The following ERAP1 variants were observed in gnomAD, a reference collection of about 807,000 sequenced individuals.
ERAP1 encodes adipocyte-derived leucine aminopeptidase.
A neutral mutation model predicts 103.7 loss-of-function variants in ERAP1; 86 were observed. The observed-to-expected ratio is 0.83, with a 90% CI of 0.70 to 0.99. The LOEUF is 0.99. Among genes scored for constraint, ERAP1 ranks in the 50% least tolerant of loss-of-function variants. ERAP1 has a pLI of 0.00. For missense variants in ERAP1, 1,009 were observed against 1,128.4 expected (o/e 0.89, Z 1.52); for synonymous variants, 398 against 402.4 (o/e 0.99, Z 0.13).
At chr5:96,835,028 G>T in the ERAP1 span, among the ~76,000 whole-genome samples, 1 of 152,202 alleles carries the variant, frequency 6.6e-6, no homozygotes, top group Admixed American at 6.5e-5. Flanking sequence ...TTTAGTATTT[G>T]TTGTGTGCTG....
At chr5:96,882,222 C>T in the ERAP1 span, among the ~76,000 whole-genome samples, 1 of 152,196 alleles carries the variant, frequency 6.6e-6, no homozygotes, top group Admixed American at 6.5e-5. Flanking sequence ...ACCACATAAA[C>T]AATGATGGCT....
At chr5:96,857,064 TC>T in the ERAP1 span, among the ~76,000 whole-genome samples, 1 of 152,164 alleles carries the variant, frequency 6.6e-6, no homozygotes, top group Non-Finnish European at 1.5e-5. Context: ...CCCTGGCTGT[TC>T]CCCCAGATGT....
chr5:96,766,906 A>G (rs146795218), intron 19 of ERAP1, among the ~76,000 whole-genome samples: 80 of 152,320 alleles, frequency 5.3e-4, no homozygotes, highest in African/African-American at 1.8e-3. Flanking sequence ...AGGGTCTCCT[A>G]TTACAGGAAC....
rs1234109549 is a variant in ERAP1 at position 96,781,223 on chromosome 5, T to C, written c.2448-25A>G. 1 of 1,609,026 alleles carries C rather than the reference T, an allele frequency of 6.2e-7. No individual in the cohort carries two copies. The highest frequency in any genetic ancestry group is 8.5e-7 in the Non-Finnish European group (1 of 1,176,206). On this transcript the variant is annotated intron_variant, in intron 16 of 18. Transcript: ENST00000443439. ...CCTAGAAGGATTAAGAAAAGAAATG[T>C]TAGCAATGAATAGGTGATGAAACAG...
At chr5:96,894,582 C>T in the ERAP1 span, among the ~76,000 whole-genome samples, 2 of 152,190 alleles carry the variant, frequency 1.3e-5, no homozygotes, top group South Asian at 2.1e-4. Flanking sequence ...ATTTAAAATG[C>T]ATAATACAGA....
At chr5:96,850,897 C>A in the ERAP1 span, among the ~76,000 whole-genome samples, 1 of 152,100 alleles carries the variant, frequency 6.6e-6, no homozygotes, top group Non-Finnish European at 1.5e-5. Context: ...CTTTCACAAC[C>A]TATTAGTCCA....
At chr5:96,895,168 G>A in the ERAP1 span, 2 of 788,898 alleles carry the variant, frequency 2.5e-6, no homozygotes, top group South Asian at 3.4e-5. Flanking sequence ...AAAAAAGTTA[G>A]TAACTATTGT....
At chr5:96,783,831 ACACACACACACAC>A in intron 14 of ERAP1, 80 bp downstream of exon 14, 1 of 319,728 alleles carries the variant, frequency 3.1e-6, no homozygotes, top group Non-Finnish European at 6.2e-6. Flanking sequence ...ACACACACAC[ACACACACACACAC>A]ACACACACAC....
At chr5:96,806,841 G>A (rs1778662165) in intron 1 of ERAP1, among the ~76,000 whole-genome samples, 1 of 114,514 alleles carries the variant, frequency 8.7e-6, no homozygotes, top group Non-Finnish European at 1.9e-5. Context: ...TAAAAATGCT[G>A]GATTAATTTG....
chr5:96,863,462 T>C, the ERAP1 span, among the ~76,000 whole-genome samples: 1 of 152,188 alleles, frequency 6.6e-6, no homozygotes, highest in South Asian at 2.1e-4. Flanking sequence ...CACCTTTCAT[T>C]TGTGTCTCCT....
the ERAP1 span, chr5:96,886,808 G>A: frequency 1.8e-3 from 2,548 of 1,430,628 alleles, 30 homozygotes; most frequent in African/African-American, 0.029. Context: ...GAGTTCTAAC[G>A]TTCTACGCAG....
chr5:96,785,790 G>C lies in ERAP1; in HGVS notation c.1941C>G (p.Val647=), dbSNP rs1264921330. ...CGACTTTGTGCAGCGTGTATTACCT[G>C]ACGAGCTGAAATGCATTGTTAATGA... ...ASLINNAFQL[V]SIGKLSIEKA... The change falls in exon 13 of 19, where the codon GTC becomes GTG. Residue 647 remains valine (V), a splice_region_variant and synonymous_variant. Transcript: ENST00000443439. 3.1e-6 allele frequency: 5 copies of C among 1,614,070 alleles called. No homozygotes were observed.
chr5:96,896,878 G>A, the ERAP1 span: 4 of 1,560,902 alleles, frequency 2.6e-6, no homozygotes. Flanking sequence ...GTCATATGTT[G>A]GGTAACGATA....
chr5:96,851,354 G>C, the ERAP1 span, among the ~76,000 whole-genome samples: 1 of 152,146 alleles, frequency 6.6e-6, no homozygotes, highest in Non-Finnish European at 1.5e-5. Context: ...CCTTTCACAG[G>C]TAAAGGATGA....
Position 96,783,090 on chromosome 5 carries a change from C to G in ERAP1, c.2246G>C (p.Gly749Ala), listed in dbSNP as rs758386184. 6.8e-6 allele frequency: 11 copies of G among 1,614,222 alleles called. No homozygotes were observed. The highest frequency in any genetic ancestry group is 1.7e-5 in the Admixed American group (1 of 60,026). Residue 749 changes from glycine to alanine, a missense_variant, in exon 15 of 19, where the codon GGC (glycine) becomes GCC (alanine). By Grantham distance (60) the Gly-to-Ala change is moderately conservative (BLOSUM62 0). Around this residue, in one of 3 missense-constraint regions of ERAP1, gnomAD observed 611 missense variants for 651.7 expected, o/e 0.94. Transcript: ENST00000443439. ...GGATTCCTTCCACTTTCTGAAATAG[C>G]CTTCTGCCCTCTGTACGCACGGCTG... ...NYQPCVQRAE[G>A]YFRKWKESNG...
At chr5:96,843,190 G>C in the ERAP1 span, among the ~76,000 whole-genome samples, 1 of 152,204 alleles carries the variant, frequency 6.6e-6, no homozygotes, top group African/African-American at 2.4e-5. Flanking sequence ...GGCACAAGCA[G>C]CTCAAACGCC....
chr5:96,793,905 C>A lies in ERAP1; in HGVS notation c.972G>T (p.Leu324=), dbSNP rs1777020168. The change falls in exon 6 of 19, where the codon CTG becomes CTT. Residue 324 remains leucine (L), a synonymous_variant. Transcript: ENST00000443439. ...ACAGAGCAGATTCTCTATATGTTGT[C>A]AGTCCCCAGTTTTCCATAGCACCAG... is the stretch of plus-strand genomic sequence containing the variant. ...FQSGAMENWG[L]TTYRESALLF... is the part of the protein sequence containing the mutation. 2 of 1,614,018 alleles carry A rather than the reference C, an allele frequency of 1.2e-6. No individual in the cohort carries two copies. The highest frequency in any genetic ancestry group is 1.7e-6 in the Non-Finnish European group (2 of 1,179,994).
the ERAP1 span, chr5:96,903,496 A>G: frequency 6.2e-7 from 1 of 1,613,960 alleles, no homozygotes; most frequent in African/African-American, 1.3e-5. Context: ...GCTGAATCAG[A>G]ACCACACACT....
At chr5:96,852,891 G>A in the ERAP1 span, among the ~76,000 whole-genome samples, 1 of 152,070 alleles carries the variant, frequency 6.6e-6, no homozygotes, top group Non-Finnish European at 1.5e-5. Flanking sequence ...AATTTTCATG[G>A]CTAAACTGTT....
Sources: gnomAD v4.1 joint callset for allele counts (sites outside exome capture counted in the v4.1 genomes callset) on GRCh38, gnomAD v4.1.1 for gene constraint, gnomAD v4.1.1 regional missense constraint, MANE v1.5 for transcripts, NCBI Gene and HGNC (gene_info 2026-07-23, HGNC 2026-07-21) for gene names.